The following TFDP2 variants were observed in gnomAD, a reference collection of about 807,000 sequenced individuals.
The protein encoded by TFDP2 is transcription factor Dp-2 (E2F dimerization partner 2).
In TFDP2, 17 loss-of-function variants were observed where a neutral mutation model predicts 59.3. The observed-to-expected ratio is 0.29, with a 90% CI of 0.20 to 0.43. TFDP2 has a LOEUF of 0.43. TFDP2 is among the 20% of genes least tolerant of loss of function. TFDP2 has a pLI of 1.00. For missense variants in TFDP2, 391 were observed against 528.8 expected (o/e 0.74, Z 2.56); for synonymous variants, 180 against 194.7 (o/e 0.92, Z 0.63).
intron 6 of TFDP2, among the ~76,000 whole-genome samples, chr3:141,986,241 C>G (rs1219142703): frequency 6.6e-6 from 1 of 152,168 alleles, no homozygotes; most frequent in Non-Finnish European, 1.5e-5. Flanking sequence ...AGTTACCTGG[C>G]TACAGTGTTT....
chr3:142,042,780 C>T, intron 3 of TFDP2, among the ~76,000 whole-genome samples: 1 of 111,892 alleles, frequency 8.9e-6, no homozygotes, highest in Non-Finnish European at 1.7e-5. Flanking sequence ...CGCTTTTTTG[C>T]CCAGGCTGGA....
intron 2 of TFDP2, among the ~76,000 whole-genome samples, chr3:142,096,348 C>T (rs559605808): frequency 2.0e-4 from 30 of 152,198 alleles, no homozygotes; most frequent in South Asian, 1.7e-3. Context: ...AGTTGGCTAG[C>T]GAAAGCATCC....
chr3:141,994,817 G>T (rs768258035), intron 5 of TFDP2: 5 of 422,380 alleles, frequency 1.2e-5, no homozygotes, highest in Non-Finnish European at 2.1e-5. Context: ...ATGAGTTATT[G>T]CACTGTTTTT....
intron 4 of TFDP2, among the ~76,000 whole-genome samples, chr3:142,004,574 T>C (rs1390169619): frequency 6.6e-6 from 1 of 152,244 alleles, no homozygotes; most frequent in African/African-American, 2.4e-5. Flanking sequence ...ACACACTTCA[T>C]GCTCTAGCAT....
In TFDP2 at chr3:142,113,650, G is replaced by A. The variant is rs182495872; in HGVS notation, c.-92-11809C>T. On this transcript the variant is annotated intron_variant, in intron 1 of 12. Transcript: ENST00000489671. ...TATGCAAGCATGAAATGTTCAATCTGAGTCATTAAAATGTGATTACTGTGA... is the reference window on the plus strand; with the variant it reads ...TATGCAAGCATGAAATGTTCAATCTAAGTCATTAAAATGTGATTACTGTGA... 4.9e-4 allele frequency among the ~76,000 whole-genome samples: 75 copies of A among 152,204 alleles called. 1 individual carries two copies. Among genetic ancestry groups the A allele is most frequent in the Middle Eastern group, 3.4e-3 (1 of 294 alleles).
chr3:142,136,177 G>A (rs1266384642), intron 1 of TFDP2, among the ~76,000 whole-genome samples: 1 of 151,968 alleles, frequency 6.6e-6, no homozygotes, highest in Non-Finnish European at 1.5e-5. Flanking sequence ...TTTTTCATGT[G>A]TCTGCTGGCT....
chr3:141,967,873 C>T (rs1294229547), intron 9 of TFDP2, among the ~76,000 whole-genome samples: 1 of 152,178 alleles, frequency 6.6e-6, no homozygotes, highest in Non-Finnish European at 1.5e-5. Context: ...GAAAGTCCTA[C>T]ACACATGAGG....
intron 2 of TFDP2, among the ~76,000 whole-genome samples, chr3:142,094,862 T>C (rs1397987004): frequency 1.3e-5 from 2 of 152,222 alleles, no homozygotes; most frequent in African/African-American, 4.8e-5. Context: ...CACAATACAG[T>C]ACTATTAATT....
chr3:142,132,744 C>CAA (rs199517533), intron 1 of TFDP2, among the ~76,000 whole-genome samples: 9 of 61,558 alleles, frequency 1.5e-4, no homozygotes, highest in South Asian at 5.7e-4. Context: ...GACGCTATCT[C>CAA]AAAAAAAAAA....
chr3:142,026,843 C>T (rs1045989814), intron 3 of TFDP2, among the ~76,000 whole-genome samples: 17 of 152,210 alleles, frequency 1.1e-4, no homozygotes, highest in Non-Finnish European at 2.1e-4. Context: ...AAACATTCTC[C>T]TCTTTCCATT....
intron 3 of TFDP2, among the ~76,000 whole-genome samples, chr3:142,050,127 C>T (rs1474168393): frequency 1.3e-5 from 2 of 151,758 alleles, no homozygotes; most frequent in Non-Finnish European, 1.5e-5. Flanking sequence ...ATTAGCTGGG[C>T]GTGGTGGCAA....
intron 3 of TFDP2, chr3:142,043,800 G>A (rs1313727647): frequency 5.0e-6 from 8 of 1,594,540 alleles, no homozygotes; most frequent in African/African-American, 1.3e-5. Flanking sequence ...TGTGCTCCAT[G>A]AGAATCCGCT....
At chr3:141,974,581 T>C (rs1253707758) in intron 7 of TFDP2, among the ~76,000 whole-genome samples, 2 of 152,170 alleles carry the variant, frequency 1.3e-5, no homozygotes, top group African/African-American at 4.8e-5. Flanking sequence ...ATTTTCACTG[T>C]ATAAAACAAT....
chr3:142,009,037 G>T (rs1277695531), intron 3 of TFDP2, among the ~76,000 whole-genome samples: 1 of 152,092 alleles, frequency 6.6e-6, no homozygotes, highest in Admixed American at 6.5e-5. Flanking sequence ...ATCCCCTGTG[G>T]TCTAAATTCT....
At chr3:142,072,652 T>C (rs2060286193) in intron 3 of TFDP2, among the ~76,000 whole-genome samples, 1 of 151,974 alleles carries the variant, frequency 6.6e-6, no homozygotes, top group Non-Finnish European at 1.5e-5. Flanking sequence ...ACAAACACAA[T>C]GACTAGGATG....
chr3:142,007,545 T>C (rs1038670613), intron 3 of TFDP2, among the ~76,000 whole-genome samples: 1 of 152,148 alleles, frequency 6.6e-6, no homozygotes, highest in Non-Finnish European at 1.5e-5. Flanking sequence ...GGAGGTATGG[T>C]TTTGCAATGA....
At chr3:142,061,920 A>T (rs2108517257) in intron 3 of TFDP2, among the ~76,000 whole-genome samples, 1 of 150,738 alleles carries the variant, frequency 6.6e-6, no homozygotes, top group Non-Finnish European at 1.5e-5. Context: ...ACACACACAC[A>T]CACACACACA....
intron 1 of TFDP2, among the ~76,000 whole-genome samples, chr3:142,124,980 G>A (rs1017157450): frequency 3.9e-5 from 6 of 152,056 alleles, no homozygotes; most frequent in African/African-American, 7.2e-5. Context: ...AGTATTGCTC[G>A]AGGCCAGGAG....
intron 1 of TFDP2, among the ~76,000 whole-genome samples, chr3:142,144,862 T>A (rs1001522279): frequency 6.6e-6 from 1 of 152,226 alleles, no homozygotes; most frequent in South Asian, 2.1e-4. Flanking sequence ...AAAACATACA[T>A]GCATTTTTAA....
Sources: gnomAD v4.1 joint callset for allele counts (sites outside exome capture counted in the v4.1 genomes callset) on GRCh38, gnomAD v4.1.1 for gene constraint, MANE v1.5 for transcripts, NCBI Gene and HGNC (gene_info 2026-07-23, HGNC 2026-07-21) for gene names.